Variants in CACNA1B observed in about 807,000 individuals in gnomAD.
CACNA1B encodes the protein calcium voltage-gated channel subunit alpha1 B, also known as voltage-dependent N-type calcium channel subunit alpha-1B.
CACNA1B carries 70 observed loss-of-function variants against 247.2 expected under a neutral mutation model. The ratio of observed to expected loss-of-function variants is 0.28; its 90% confidence interval spans 0.23 to 0.35. The LOEUF is 0.35. CACNA1B is among the 10% of genes least tolerant of loss of function. CACNA1B has a pLI of 1.00. For synonymous variants in CACNA1B, 1,231 were observed against 1,294.4 expected (o/e 0.95, Z 1.05); for missense variants, 2,367 against 3,197.4 (o/e 0.74, Z 6.26).
At position 138,121,914 on chromosome 9, in the gene CACNA1B, A is replaced by G. The variant is rs1589142180; in HGVS notation, c.6935A>G (p.Asn2312Ser). 1.2e-6 allele frequency: 2 copies of G among 1,611,064 alleles called. No homozygotes were observed. Among genetic ancestry groups the G allele is most frequent in the East Asian group, 2.2e-5 (1 of 44,850 alleles). ...TCTCACCCTCTCCGCCGCGTGCCCA[A>G]CGGTTACCACTGCACCCTGGGACTC... Reference protein sequence around the residue: ...SQSHPLRRVPNGYHCTLGLSS... With the variant: ...SQSHPLRRVPSGYHCTLGLSS... Residue 2312 changes from asparagine to serine, a missense_variant, in exon 47 of 47, where the codon AAC becomes AGC. Around this residue, in one of 12 missense-constraint regions of CACNA1B, gnomAD observed 773 missense variants for 779.4 expected, o/e 0.99. Coordinates refer to ENST00000371372, the MANE Select transcript of CACNA1B (RefSeq NM_000718.4). This position sits in a 1 kb window ranked among gnomAD's most constrained non-coding sequence, Gnocchi z 6.8.
chr9:138,114,571 G>A, intron 41 of CACNA1B, 81 bp downstream of exon 41: 2 of 677,890 alleles, frequency 3.0e-6, no homozygotes, highest in East Asian at 2.7e-5. Flanking sequence ...GACGACGGGG[G>A]AGATGCACAC....
In CACNA1B at chr9:137,913,373, C is replaced by G; in HGVS notation, c.622+102C>G. On this transcript the variant is annotated intron_variant, in intron 4 of 46. Coordinates refer to ENST00000371372, the MANE Select transcript of CACNA1B (RefSeq NM_000718.4). This position sits in a 1 kb window ranked among gnomAD's most constrained non-coding sequence, Gnocchi z 5.2. ...TGGCCATGGTTTGGCTTTGGTGACT[C>G]TGAGCTTGCCACTTTTGACCCCAGG... The G allele has an allele frequency of 1.1e-6, 1 of 874,076 alleles. No individual in the cohort carries two copies. The highest frequency in any genetic ancestry group is 1.6e-5 in the South Asian group (1 of 62,562). The allele number at this position is 874,076 out of a possible 1,614,324, so 54.1% of individuals were successfully genotyped here.
At chr9:138,026,768 A>C (rs1958925311) in intron 20 of CACNA1B, among the ~76,000 whole-genome samples, 5 of 152,212 alleles carry the variant, frequency 3.3e-5, no homozygotes, top group Admixed American at 3.3e-4. Flanking sequence ...ATAAGTTTTC[A>C]ACTCATTTGG....
intron 15 of CACNA1B, among the ~76,000 whole-genome samples, chr9:137,996,356 T>A (rs1319975595): frequency 6.6e-6 from 1 of 152,170 alleles, no homozygotes; most frequent in Non-Finnish European, 1.5e-5. Context: ...ATAATGGCAT[T>A]TGCAACAACG....
chr9:137,887,113 G>A (rs1384046608), intron 3 of CACNA1B, among the ~76,000 whole-genome samples: 14 of 151,962 alleles, frequency 9.2e-5, no homozygotes, highest in Non-Finnish European at 1.3e-4. Flanking sequence ...GCGGAGCAGC[G>A]GAGGTGTGCC....
intron 6 of CACNA1B, among the ~76,000 whole-genome samples, chr9:137,931,806 G>A (rs2133305511): frequency 1.3e-5 from 2 of 152,222 alleles, no homozygotes; most frequent in Middle Eastern, 3.4e-3. Flanking sequence ...TGGGCGAGAG[G>A]AAATGAATTT....
intron 36 of CACNA1B, among the ~76,000 whole-genome samples, chr9:138,081,126 G>A (rs552845526): frequency 1.3e-5 from 2 of 152,294 alleles, no homozygotes; most frequent in East Asian, 1.9e-4. Context: ...TGGGCACAAA[G>A]CCAAACCTAC....
At chr9:137,897,059 G>A (rs1957181408) in intron 3 of CACNA1B, among the ~76,000 whole-genome samples, 1 of 152,034 alleles carries the variant, frequency 6.6e-6, no homozygotes, top group Admixed American at 6.6e-5. Flanking sequence ...CTGGAAATTT[G>A]TCAATTATGT....
At chr9:138,106,670 C>T (rs1436854853) in intron 39 of CACNA1B, among the ~76,000 whole-genome samples, 2 of 152,324 alleles carry the variant, frequency 1.3e-5, no homozygotes, top group East Asian at 1.9e-4. Flanking sequence ...ATTCAGGAGG[C>T]TGAGGCAGGC....
At chr9:138,033,256 T>G (rs1959006040) in intron 20 of CACNA1B, among the ~76,000 whole-genome samples, 1 of 152,258 alleles carries the variant, frequency 6.6e-6, no homozygotes, top group Admixed American at 6.5e-5. Context: ...TTTTCTTTCC[T>G]GAGACTTTAT....
chr9:138,063,326 CTG>C (rs2133515663), intron 31 of CACNA1B, among the ~76,000 whole-genome samples: 1 of 152,252 alleles, frequency 6.6e-6, no homozygotes, highest in South Asian at 2.1e-4. Flanking sequence ...GACCCTGTCT[CTG>C]TAAAAAATTT....
In CACNA1B at chr9:137,990,881, G is replaced by A. The variant is rs918956585; in HGVS notation, c.1974+4027G>A. 6.6e-6 allele frequency among the ~76,000 whole-genome samples: 1 copy of A among 152,230 alleles called. No individual in the cohort carries two copies. Among genetic ancestry groups the A allele is most frequent in the African/African-American group, 2.4e-5 (1 of 41,470 alleles). On this transcript the variant is annotated intron_variant, in intron 15 of 46. Coordinates refer to ENST00000371372, the MANE Select transcript of CACNA1B (RefSeq NM_000718.4). The surrounding 1 kb of genome is among the most constrained non-coding windows in gnomAD (Gnocchi z 4.5). ...GTCATTGCAGTTTGGCTCTCAGGAAGCCCCATTCCTCAGGGCAGGGGGAGA... is the reference window on the plus strand; with the variant it reads ...GTCATTGCAGTTTGGCTCTCAGGAAACCCCATTCCTCAGGGCAGGGGGAGA...
At chr9:138,101,184 G>A (rs773331483) in intron 37 of CACNA1B, 12 of 531,970 alleles carry the variant, frequency 2.3e-5, no homozygotes, top group African/African-American at 1.2e-4. Flanking sequence ...AACTGCCCTC[G>A]TAGGTTGGCC....
At chr9:137,923,586 C>T (rs913262144) in intron 6 of CACNA1B, among the ~76,000 whole-genome samples, 9 of 152,140 alleles carry the variant, frequency 5.9e-5, no homozygotes, top group Admixed American at 1.3e-4. Flanking sequence ...GTGGAAGCTT[C>T]CAATTTGGGG....
In CACNA1B at chr9:138,010,896, G is replaced by T. The variant is rs1257234877; in HGVS notation, c.2160+819G>T. The stretch of plus-strand genomic sequence containing the variant: ...GCAGGTTCAGGATTTCTGTCCATGG[G>T]CAGCAGAGATGCAGGTGTGCCACAG... On this transcript the variant is annotated intron_variant, in intron 17 of 46. Coordinates refer to ENST00000371372, the MANE Select transcript of CACNA1B (RefSeq NM_000718.4). The surrounding 1 kb of genome is among the most constrained non-coding windows in gnomAD (Gnocchi z 5.3). 1.3e-5 allele frequency among the ~76,000 whole-genome samples: 2 copies of T among 152,176 alleles called. No individual in the cohort carries two copies. The highest frequency in any genetic ancestry group is 2.9e-5 in the Non-Finnish European group (2 of 68,020).
intron 26 of CACNA1B, among the ~76,000 whole-genome samples, chr9:138,056,094 G>A (rs1251163864): frequency 6.6e-6 from 1 of 152,042 alleles, no homozygotes; most frequent in Non-Finnish European, 1.5e-5. Flanking sequence ...TATACTGCTT[G>A]TTCATAACAA....
chr9:138,058,281 G>A lies in CACNA1B; in HGVS notation c.4308+31G>A, dbSNP rs1020055682. The A allele has an allele frequency of 2.6e-6, 4 of 1,544,914 alleles. No individual in the cohort carries two copies. The African/African-American group carries it at 5.5e-5, about 21-fold the overall frequency. The stretch of plus-strand genomic sequence containing the variant: ...TGGACGCTCTGTGGAGTCTTGCAGT[G>A]GACAGCGTGGGCAGCGCCATCAGGC... On this transcript the variant is annotated intron_variant, in intron 28 of 46. Transcript: ENST00000371372. This position sits in a 1 kb window ranked among gnomAD's most constrained non-coding sequence, Gnocchi z 4.7.
chr9:137,971,272 CGGCTGG>C lies in CACNA1B; in HGVS notation c.1334-102_1334-97del. On this transcript the variant is annotated intron_variant, in intron 10 of 46. Transcript: ENST00000371372. The surrounding 1 kb of genome is among the most constrained non-coding windows in gnomAD (Gnocchi z 4.4). The stretch of plus-strand genomic sequence containing the variant: ...GGTCACTGGCACAATTGTCTGTGAC[CGGCTGG>C]GGCTGGGGGCAGGTGTCCTCCAGAG... 1.4e-6 allele frequency: 1 copy of C among 722,108 alleles called. No homozygotes were observed. The highest frequency in any genetic ancestry group is 1.7e-5 in the South Asian group (1 of 58,348). 44.7% of individuals were successfully genotyped at this position (722,108 alleles called of 1,614,324 possible).
intron 44 of CACNA1B, 40 bp downstream of exon 44, chr9:138,118,808 G>C: frequency 2.2e-6 from 2 of 891,302 alleles, no homozygotes; most frequent in Middle Eastern, 2.9e-4. Context: ...GGCTGGGCAA[G>C]TGGGGGGTGG....
Sources: allele counts gnomAD v4.1 joint callset (sites outside exome capture counted in the v4.1 genomes callset), GRCh38; gene constraint gnomAD v4.1.1; regional missense constraint gnomAD v4.1.1; non-coding constraint Gnocchi (gnomAD v3.1); transcripts MANE v1.5; gene names NCBI Gene and HGNC (gene_info 2026-07-23, HGNC 2026-07-21).